CATSPERT: variants seen among roughly 807,000 people sequenced by gnomAD.
CATSPERT encodes the protein catsper channel auxiliary subunit tau.
At chr2:201,510,968 TGTAA>T in the CATSPERT span, among the ~76,000 whole-genome samples, 1 of 152,214 alleles carries the variant, frequency 6.6e-6, no homozygotes, top group East Asian at 1.9e-4. Flanking sequence ...CATTTTCACA[TGTAA>T]GTAAGCAAAC....
At chr2:201,585,365 C>T in the CATSPERT span, among the ~76,000 whole-genome samples, 1 of 149,302 alleles carries the variant, frequency 6.7e-6, no homozygotes, top group East Asian at 2.0e-4. Flanking sequence ...CACATGTATC[C>T]CAGAACTTAA....
chr2:201,553,269 A>G, the CATSPERT span: 1 of 152,226 alleles, frequency 6.6e-6, no homozygotes, highest in African/African-American at 2.4e-5. Flanking sequence ...CAATCACCCA[A>G]GTACACCATA....
At chr2:201,503,678 G>GAT in the CATSPERT span, among the ~76,000 whole-genome samples, 1 of 152,322 alleles carries the variant, frequency 6.6e-6, no homozygotes, top group African/African-American at 2.4e-5. Flanking sequence ...GATTGCAGGT[G>GAT]TGAGCCACTG....
the CATSPERT span, among the ~76,000 whole-genome samples, chr2:201,499,542 G>T: frequency 6.6e-6 from 1 of 152,028 alleles, no homozygotes; most frequent in Non-Finnish European, 1.5e-5. Context: ...CTTCAAAACA[G>T]ATCAAGTATG....
At chr2:201,581,581 T>C in the CATSPERT span, among the ~76,000 whole-genome samples, 757 of 66,444 alleles carry the variant, frequency 0.011, 111 homozygotes, top group East Asian at 0.075. Flanking sequence ...TATATATATA[T>C]ATATATATAT....
chr2:201,546,652 G>A, the CATSPERT span, among the ~76,000 whole-genome samples: 8 of 152,130 alleles, frequency 5.3e-5, no homozygotes, highest in Non-Finnish European at 1.0e-4. Context: ...AGATGAAGAT[G>A]TTGATCTTTC....
At chr2:201,558,089 T>TTAATTACACTTTAATTA in the CATSPERT span, 6 of 152,244 alleles carry the variant, frequency 3.9e-5, no homozygotes, top group African/African-American at 1.4e-4. Flanking sequence ...ATTACACTTA[T>TTAATTACACTTTAATTA]CGCCACCTCC....
the CATSPERT span, among the ~76,000 whole-genome samples, chr2:201,605,654 G>C: frequency 6.6e-6 from 1 of 152,132 alleles, no homozygotes; most frequent in African/African-American, 2.4e-5. Flanking sequence ...TCCATTAAAA[G>C]CTATTATAGG....
chr2:201,571,899 G>A, the CATSPERT span: 1 of 1,546,380 alleles, frequency 6.5e-7, no homozygotes, highest in South Asian at 1.1e-5. Context: ...TGTTTTAAGT[G>A]CCACATGATC....
the CATSPERT span, chr2:201,534,191 G>A: frequency 6.3e-6 from 1 of 159,582 alleles, no homozygotes; most frequent in Non-Finnish European, 1.3e-5. Context: ...AGCTATTCAA[G>A]GTGTCAGACA....
chr2:201,520,803 C>T, the CATSPERT span, among the ~76,000 whole-genome samples: 1 of 151,334 alleles, frequency 6.6e-6, no homozygotes, highest in East Asian at 1.9e-4. Context: ...GCAAGAGAAT[C>T]GCTTGAGTCT....
At chr2:201,601,802 T>G in the CATSPERT span, 2 of 1,612,436 alleles carry the variant, frequency 1.2e-6, no homozygotes, top group South Asian at 1.1e-5. Flanking sequence ...CGTTTTTGGA[T>G]AGCAAGCTAC....
chr2:201,534,594 A>G, the CATSPERT span: 5 of 983,602 alleles, frequency 5.1e-6, no homozygotes, highest in Non-Finnish European at 6.0e-6. Context: ...CATAGCAGGG[A>G]AAACCAAAAT....
the CATSPERT span, among the ~76,000 whole-genome samples, chr2:201,496,361 G>A: frequency 0.011 from 1,649 of 152,076 alleles, 16 homozygotes; most frequent in Non-Finnish European, 0.018. Context: ...TTATTTTTTC[G>A]AGACAGAGTC....
At chr2:201,615,344 A>G in the CATSPERT span, among the ~76,000 whole-genome samples, 21 of 152,384 alleles carry the variant, frequency 1.4e-4, 1 homozygote, top group African/African-American at 4.1e-4. Flanking sequence ...AACAGAAATT[A>G]TAACAGACTG....
chr2:201,507,175 A>G, the CATSPERT span, among the ~76,000 whole-genome samples: 1 of 152,354 alleles, frequency 6.6e-6, no homozygotes, highest in African/African-American at 2.4e-5. Flanking sequence ...AGCAAAGTGA[A>G]CCAATATAAA....
At chr2:201,597,119 T>C in the CATSPERT span, among the ~76,000 whole-genome samples, 1 of 152,226 alleles carries the variant, frequency 6.6e-6, no homozygotes, top group South Asian at 2.1e-4. Context: ...GTTCGTCCTA[T>C]AGAGGCTTCG....
At chr2:201,510,298 G>T in the CATSPERT span, among the ~76,000 whole-genome samples, 2 of 143,396 alleles carry the variant, frequency 1.4e-5, no homozygotes, top group South Asian at 4.1e-4. Context: ...ACAACAATTA[G>T]CCAGGTGTGG....
the CATSPERT span, among the ~76,000 whole-genome samples, chr2:201,505,709 G>A: frequency 6.6e-6 from 1 of 152,152 alleles, no homozygotes; most frequent in Non-Finnish European, 1.5e-5. Flanking sequence ...AAAATGCAAT[G>A]TAGTACTCTG....
Sources: gnomAD v4.1 joint callset for allele counts (sites outside exome capture counted in the v4.1 genomes callset) on GRCh38, gnomAD v4.1.1 for gene constraint, MANE v1.5 for transcripts, NCBI Gene and HGNC (gene_info 2026-07-23, HGNC 2026-07-21) for gene names.